Variants in RGPD8 observed in about 807,000 individuals in gnomAD.
RGPD8 encodes the protein RANBP2 like and GRIP domain containing 8, also known as RANBP2-like and GRIP domain-containing protein 8.
Under a neutral mutation model 89.1 loss-of-function variants are expected in RGPD8, and 15 were observed. That is an observed-to-expected ratio of 0.17 (90% CI 0.11 to 0.26). RGPD8 has a LOEUF of 0.26. Ranked by LOEUF, RGPD8 falls within the 10% of genes least tolerant of loss-of-function variation. The pLI is 1.00. For missense variants in RGPD8, 178 were observed against 1,179.6 expected (o/e 0.15, Z 12.44); for synonymous variants, 62 against 420.9 (o/e 0.15, Z 10.44).
chr2:112,421,978 A>G lies in RGPD8; in HGVS notation c.387T>C (p.Pro129=). Residue 129 remains proline (P), a synonymous_variant, in exon 4 of 23, where the codon CCT becomes CCC. Coordinates refer to ENST00000302558, the MANE Select transcript of RGPD8 (RefSeq NM_001164463.1). ...TGTTTACCTTTAGTTTATAAATTGC[A>G]GGACTTCCTGGGAAAAGTTTTGCTG... is the stretch of plus-strand genomic sequence containing the variant. The part of the protein sequence containing the change: ...ERAAKLFPGS[P]AIYKLKEQLL... 1.9e-5 allele frequency: 1 copy of G among 53,362 alleles called. No individual in the cohort carries two copies. Among genetic ancestry groups the G allele is most frequent in the Non-Finnish European group, 3.0e-5 (1 of 32,958 alleles). 3.3% of individuals were successfully genotyped at this position (53,362 alleles called of 1,614,324 possible). A position where few individuals can be genotyped will look rare whatever the true frequency, so the allele number is the denominator to read the frequency against.
intron 22 of RGPD8, among the ~76,000 whole-genome samples, chr2:112,371,067 C>A (rs868092691): frequency 6.6e-6 from 1 of 151,228 alleles, no homozygotes; most frequent in African/African-American, 2.4e-5. Context: ...AAAAAAAATT[C>A]TTTTAAAACA....
chr2:112,432,258 G>A (rs1680072759), intron 1 of RGPD8, among the ~76,000 whole-genome samples: 1 of 151,750 alleles, frequency 6.6e-6, no homozygotes, highest in Admixed American at 6.6e-5. Flanking sequence ...CTGTAAAGAG[G>A]AAAAATACCC....
rs1188927913 is a variant in RGPD8 at position 112,390,107 on chromosome 2, T to A, written c.2838A>T (p.Leu946Phe). The A allele has an allele frequency of 1.2e-6, 2 of 1,604,110 alleles. No individual in the cohort carries two copies. Among genetic ancestry groups the A allele is most frequent in the African/African-American group, 1.4e-5 (1 of 73,324 alleles). Residue 946 changes from leucine (L) to phenylalanine (F), a missense_variant, in exon 20 of 23, where the codon TTA becomes TTT. Leu to Phe is a conservative substitution (Grantham distance 22). Coordinates refer to ENST00000302558, the MANE Select transcript of RGPD8 (RefSeq NM_001164463.1). ...REKPLENDTG[L>F]QAQDIRGRKK... ...TCCGGCCCCTAATATCCTGAGCCTG[T>A]AAGCCAGTATCATTTTCAAGAGGCT...
At chr2:112,429,277 C>T (rs1322882409) in intron 1 of RGPD8, among the ~76,000 whole-genome samples, 5 of 151,076 alleles carry the variant, frequency 3.3e-5, no homozygotes, top group East Asian at 3.9e-4. Context: ...AAAAATTAGC[C>T]GAGTGTTGTG....
chr2:112,402,408 G>A (rs1331207898), intron 9 of RGPD8, among the ~76,000 whole-genome samples: 4 of 146,600 alleles, frequency 2.7e-5, no homozygotes, highest in Non-Finnish European at 4.5e-5. Context: ...TTGGGAGGCC[G>A]AGGCAAGACA....
intron 1 of RGPD8, among the ~76,000 whole-genome samples, chr2:112,431,339 T>TA (rs1680024180): frequency 6.6e-6 from 1 of 152,220 alleles, no homozygotes; most frequent in East Asian, 1.9e-4. Flanking sequence ...TTTAGACTCT[T>TA]ACCATCACAT....
At chr2:112,430,211 A>C (rs73954867) in intron 1 of RGPD8, among the ~76,000 whole-genome samples, 3,523 of 152,252 alleles carry the variant, frequency 0.023, 119 homozygotes, top group African/African-American at 0.077. Context: ...TCTAGAAGGC[A>C]TGGGCAGTTC....
intron 22 of RGPD8, among the ~76,000 whole-genome samples, chr2:112,370,886 C>A (rs573294604): frequency 6.6e-6 from 1 of 151,788 alleles, no homozygotes; most frequent in Non-Finnish European, 1.5e-5. Flanking sequence ...AACAATCTTA[C>A]CAGCACATAA....
chr2:112,382,260 C>CCCAT (rs1216219057), intron 20 of RGPD8, among the ~76,000 whole-genome samples: 3 of 152,170 alleles, frequency 2.0e-5, no homozygotes, highest in Non-Finnish European at 2.9e-5. Flanking sequence ...ATCCATCCAT[C>CCCAT]CCATCCATCC....
At chr2:112,432,856 C>G (rs973513128) in intron 1 of RGPD8, among the ~76,000 whole-genome samples, 7 of 152,238 alleles carry the variant, frequency 4.6e-5, no homozygotes, top group African/African-American at 9.6e-5. Context: ...GCAAGCGCCA[C>G]GCCGCCCACA....
At position 112,391,772 on chromosome 2, in the gene RGPD8, T is replaced by C. The variant is rs1268203814; in HGVS notation, c.2603-703A>G. Reference sequence around the variant, plus strand: ...TACCAGAAAACAACCAAAAGACCTTTTATGCCTGTACATGGAAGAAGAAAC... The same window carrying C: ...TACCAGAAAACAACCAAAAGACCTTCTATGCCTGTACATGGAAGAAGAAAC... On this transcript the variant is annotated intron_variant, in intron 18 of 22. Coordinates refer to ENST00000302558, the MANE Select transcript of RGPD8 (RefSeq NM_001164463.1). Among the ~76,000 whole-genome samples, 2 of 112,202 alleles carry C rather than the reference T, an allele frequency of 1.8e-5. 1 individual carries two copies. The highest frequency in any genetic ancestry group is 6.0e-5 in the African/African-American group (2 of 33,450). 73.6% of individuals were successfully genotyped at this position (112,202 alleles called of 152,430 possible). A position where few individuals can be genotyped will look rare whatever the true frequency, so the allele number is the denominator to read the frequency against.
Position 112,404,178 on chromosome 2 carries a change from G to GA in RGPD8, c.1067-4dup, listed in dbSNP as rs1678949541. On this transcript the variant is annotated splice_region_variant and splice_polypyrimidine_tract_variant and intron_variant, in intron 8 of 22. Transcript: ENST00000302558. ...ACTTAAGCTTAGCAACATGTGCCCT[G>GA]AAAAAAAAATTTAAGTTATTTCCAT... The GA allele has an allele frequency of 9.1e-4, 468 of 513,846 alleles. No individual in the cohort carries two copies. The highest frequency in any genetic ancestry group is 2.0e-3 in the Middle Eastern group (4 of 1,970). The allele number at this position is 513,846 out of a possible 1,614,324, so 31.8% of individuals were successfully genotyped here. A position where few individuals can be genotyped will look rare whatever the true frequency, so the allele number is the denominator to read the frequency against.
At position 112,388,277 on chromosome 2, in the gene RGPD8, TG is replaced by T; in HGVS notation, c.4667del (p.Pro1556HisfsTer22). On this transcript the variant is annotated frameshift_variant, in exon 20 of 23. Transcript: ENST00000302558. LOFTEE classifies it high-confidence loss of function. ...KRIFSSEKSK[P>X]FAFGNSSATG... ...TGGCAGAACTGTTGCCAAATGCAAA[TG>T]GTTTTGATTTTTCACTACTAAAAAT... 1 of 1,503,030 alleles carries T rather than the reference TG, an allele frequency of 6.7e-7. No individual in the cohort carries two copies. Among genetic ancestry groups the T allele is most frequent in the Non-Finnish European group, 9.0e-7 (1 of 1,112,600 alleles). The allele number at this position is 1,503,030 out of a possible 1,614,324, so 93.1% of individuals were successfully genotyped here.
At chr2:112,419,867 T>C (rs1323458885) in intron 4 of RGPD8, among the ~76,000 whole-genome samples, 2 of 143,474 alleles carry the variant, frequency 1.4e-5, no homozygotes, top group African/African-American at 5.3e-5. Context: ...CAGCTGCTTA[T>C]TACTGGGGAG....
intron 22 of RGPD8, among the ~76,000 whole-genome samples, chr2:112,373,319 G>A (rs1166891522): frequency 3.3e-5 from 5 of 152,280 alleles, no homozygotes; most frequent in Admixed American, 3.3e-4. Context: ...ATAACGCAGA[G>A]TTGTAACACG....
chr2:112,428,910 A>T (rs1679892952), intron 1 of RGPD8, among the ~76,000 whole-genome samples: 1 of 151,938 alleles, frequency 6.6e-6, no homozygotes, highest in African/African-American at 2.4e-5. Flanking sequence ...ACTAACCTGC[A>T]CAATGTGCAC....
chr2:112,430,327 C>A (rs1679972160), intron 1 of RGPD8, among the ~76,000 whole-genome samples: 1 of 152,068 alleles, frequency 6.6e-6, no homozygotes, highest in Non-Finnish European at 1.5e-5. Flanking sequence ...TCCAAAGCAC[C>A]CTGTTTTGTC....
intron 6 of RGPD8, among the ~76,000 whole-genome samples, chr2:112,416,088 C>CCAAAAAAAAAAAAAAAAAACAA (rs1679397311): frequency 1.1e-5 from 1 of 88,914 alleles, no homozygotes; most frequent in Non-Finnish European, 2.1e-5. Flanking sequence ...GACTCCATCT[C>CCAAAAAAAAAAAAAAAAAACAA]AAAAAAAAAA....
intron 4 of RGPD8, among the ~76,000 whole-genome samples, chr2:112,419,547 T>C (rs1235825047): frequency 6.6e-6 from 1 of 152,038 alleles, no homozygotes; most frequent in East Asian, 1.9e-4. Context: ...TTAGGAGAAA[T>C]GGAATTACTT....
Sources: allele counts gnomAD v4.1 joint callset (sites outside exome capture counted in the v4.1 genomes callset), GRCh38; gene constraint gnomAD v4.1.1; transcripts MANE v1.5; gene names NCBI Gene and HGNC (gene_info 2026-07-23, HGNC 2026-07-21).